The following CABLES1 variants were observed in gnomAD, a reference collection of about 807,000 sequenced individuals.
The protein encoded by CABLES1 is CDK5 and ABL1 enzyme substrate 1.
In CABLES1, 36 loss-of-function variants were observed where a neutral mutation model predicts 57.8. That is an observed-to-expected ratio of 0.62 (90% CI 0.48 to 0.82). The LOEUF (loss-of-function observed/expected upper bound fraction) is 0.82, where lower values mean the gene tolerates loss of function less well. Ranked by LOEUF, CABLES1 falls within the 40% of genes least tolerant of loss-of-function variation. The probability of loss-of-function intolerance (pLI) is 0.00; values close to 1 mark genes in which losing one functional copy is unlikely to be tolerated. For missense variants in CABLES1, 767 were observed against 836.6 expected, an observed-to-expected ratio of 0.92 and a Z score of 1.03; for synonymous variants, 374 against 363.0, an observed-to-expected ratio of 1.03 and a Z score of -0.35.
chr18:23,255,359 C>T (rs555640815), intron 9 of CABLES1, among the ~76,000 whole-genome samples: 1 of 152,092 alleles, frequency 6.6e-6, no homozygotes, highest in East Asian at 1.9e-4. Context: ...GTGGCAAAGG[C>T]AAAAAAGCAG....
At chr18:23,215,530 G>T (rs2047435253) in intron 4 of CABLES1, among the ~76,000 whole-genome samples, 1 of 152,182 alleles carries the variant, frequency 6.6e-6, no homozygotes, top group Admixed American at 6.5e-5. Flanking sequence ...GGATGGTACT[G>T]TGACATCAGC....
intron 7 of CABLES1, among the ~76,000 whole-genome samples, chr18:23,249,453 C>T (rs1360977291): frequency 1.3e-5 from 2 of 152,170 alleles, no homozygotes; most frequent in East Asian, 3.8e-4. Context: ...GGGTCTTTGG[C>T]ACATAGAAAT....
chr18:23,257,518 C>T lies in CABLES1; in HGVS notation c.*151C>T. 2.3e-6 allele frequency: 2 copies of T among 852,754 alleles called. No homozygotes were observed. Among genetic ancestry groups the T allele is most frequent in the African/African-American group, 1.7e-5 (1 of 57,776 alleles). The allele number at this position is 852,754 out of a possible 1,614,324, so 52.8% of individuals were successfully genotyped here. ...GGGGAGAAGCAGTACTAGAAACTTT[C>T]CAAGGAGTCTTGGGTGTGTAGCCAA... On this transcript the variant is annotated 3_prime_UTR_variant, in exon 10 of 10. Coordinates refer to ENST00000256925, the MANE Select transcript of CABLES1 (RefSeq NM_001100619.3).
At chr18:23,142,472 C>T (rs191697529) in intron 1 of CABLES1, among the ~76,000 whole-genome samples, 1 of 152,174 alleles carries the variant, frequency 6.6e-6, no homozygotes, top group Non-Finnish European at 1.5e-5. Context: ...TTACAAAGTA[C>T]TGTTGTACAT....
At chr18:23,218,295 C>T (rs1261781203) in intron 4 of CABLES1, among the ~76,000 whole-genome samples, 2 of 147,904 alleles carry the variant, frequency 1.4e-5, no homozygotes, top group Non-Finnish European at 3.0e-5. Flanking sequence ...TCCTCACTTG[C>T]CCTGCCTCCC....
At chr18:23,256,599 A>G (rs998845869) in intron 9 of CABLES1, among the ~76,000 whole-genome samples, 6 of 151,574 alleles carry the variant, frequency 4.0e-5, no homozygotes, top group African/African-American at 1.2e-4. Flanking sequence ...TCCTGCTTCA[A>G]CCTCCCGAGG....
rs2046845623 is a variant in CABLES1 at position 23,139,709 on chromosome 18, C to T, written c.845+3102C>T. Among the ~76,000 whole-genome samples the T allele has an allele frequency of 2.6e-5, 4 of 152,152 alleles. No individual in the cohort carries two copies. In the South Asian group the frequency reaches 8.3e-4, roughly 31 times the overall value. ...CTTTCACAGGTGAGGAGAACATAGGCTCAGAGAGGTTGAGTAATTTCTCCC... is the reference window on the plus strand; with the variant it reads ...CTTTCACAGGTGAGGAGAACATAGGTTCAGAGAGGTTGAGTAATTTCTCCC... On this transcript the variant is annotated intron_variant, in intron 1 of 9. Coordinates refer to ENST00000256925, the MANE Select transcript of CABLES1 (RefSeq NM_001100619.3).
chr18:23,256,895 G>A (rs1029051179), intron 9 of CABLES1, among the ~76,000 whole-genome samples: 1 of 152,238 alleles, frequency 6.6e-6, no homozygotes, highest in Non-Finnish European at 1.5e-5. Flanking sequence ...ATGTGACCCT[G>A]GCTAAGCTCT....
chr18:23,163,184 G>A (rs1598806010), intron 1 of CABLES1, among the ~76,000 whole-genome samples: 1 of 152,212 alleles, frequency 6.6e-6, no homozygotes, highest in African/African-American at 2.4e-5. Flanking sequence ...GAAGGGGGCT[G>A]GCTTAATATG....
chr18:23,220,226 C>T (rs1388517340), intron 4 of CABLES1, among the ~76,000 whole-genome samples: 6 of 152,118 alleles, frequency 3.9e-5, no homozygotes, highest in East Asian at 1.9e-4. Context: ...CTAGGATTAA[C>T]GAAGGGTGCA....
intron 1 of CABLES1, among the ~76,000 whole-genome samples, chr18:23,140,438 CTTTTTT>C (rs11358415): frequency 7.2e-6 from 1 of 138,324 alleles, no homozygotes; most frequent in Non-Finnish European, 1.6e-5. Context: ...CGTTTTCTTT[CTTTTTT>C]TTTTTTTTTT....
intron 5 of CABLES1, 45 bp from the exon 6 acceptor site, chr18:23,235,850 A>G (rs746772259): frequency 2.5e-6 from 4 of 1,589,568 alleles, no homozygotes; most frequent in Middle Eastern, 1.7e-4. Context: ...AGAGCTAGCA[A>G]TGCCTGGGAA....
intron 4 of CABLES1, chr18:23,214,342 A>G (rs776416256): frequency 6.6e-5 from 19 of 287,852 alleles, no homozygotes; most frequent in Non-Finnish European, 1.1e-4. Context: ...GGGGCCCACC[A>G]TATTCCACAG....
chr18:23,256,193 C>T (rs939198589), intron 9 of CABLES1, among the ~76,000 whole-genome samples: 6 of 152,358 alleles, frequency 3.9e-5, no homozygotes, highest in African/African-American at 9.6e-5. Context: ...GCTGGGTTGA[C>T]GCCAAGGCAG....
intron 7 of CABLES1, among the ~76,000 whole-genome samples, chr18:23,246,588 T>A (rs1054601506): frequency 6.6e-6 from 1 of 151,834 alleles, no homozygotes; most frequent in Non-Finnish European, 1.5e-5. Context: ...AGATGGGGTT[T>A]CACCGTGTTA....
At chr18:23,224,791 G>A (rs988157700) in intron 4 of CABLES1, among the ~76,000 whole-genome samples, 6 of 151,830 alleles carry the variant, frequency 4.0e-5, no homozygotes, top group East Asian at 1.9e-4. Flanking sequence ...GGATGGTCTC[G>A]ATCTCCTGAC....
chr18:23,161,516 A>C (rs1217607529), intron 1 of CABLES1, among the ~76,000 whole-genome samples: 1 of 149,580 alleles, frequency 6.7e-6, no homozygotes, highest in Non-Finnish European at 1.5e-5. Context: ...CTGTGTGACC[A>C]ACACTGGACC....
chr18:23,223,679 T>C (rs1015978883), intron 4 of CABLES1, among the ~76,000 whole-genome samples: 1 of 151,518 alleles, frequency 6.6e-6, no homozygotes, highest in African/African-American at 2.4e-5. Flanking sequence ...CCCCTCTCTG[T>C]GTCTAGGGTG....
At chr18:23,212,386 G>A (rs998159885) in intron 3 of CABLES1, among the ~76,000 whole-genome samples, 7 of 152,200 alleles carry the variant, frequency 4.6e-5, no homozygotes, top group Non-Finnish European at 1.0e-4. Context: ...GCTCAGAAGT[G>A]TTAGTAAGCT....
Sources: gnomAD v4.1 joint callset for allele counts (sites outside exome capture counted in the v4.1 genomes callset) on GRCh38, gnomAD v4.1.1 for gene constraint, MANE v1.5 for transcripts, NCBI Gene and HGNC (gene_info 2026-07-23, HGNC 2026-07-21) for gene names.